VPS35L: variants seen among roughly 807,000 people sequenced by gnomAD.
VPS35L encodes VPS35 endosomal protein-sorting factor-like.
A neutral mutation model predicts 133.0 loss-of-function variants in VPS35L; 83 were observed. The ratio of observed to expected loss-of-function variants is 0.62; its 90% CI spans 0.52 to 0.75. VPS35L has a LOEUF of 0.75. VPS35L is among the 30% of genes least tolerant of loss of function. The pLI is 0.00. For synonymous variants in VPS35L, 423 were observed against 449.9 expected, an observed-to-expected ratio of 0.94 and a Z score of 0.76; for missense variants, 1,083 against 1,206.8, an observed-to-expected ratio of 0.90 and a Z score of 1.52.
intron 26 of VPS35L, among the ~76,000 whole-genome samples, chr16:19,666,940 C>T: frequency 8.6e-6 from 1 of 116,544 alleles, no homozygotes. Context: ...TTCTTCCTTT[C>T]TTCCTTTCTT....
intron 29 of VPS35L, among the ~76,000 whole-genome samples, chr16:19,698,041 C>T (rs370624119): frequency 6.6e-6 from 1 of 152,200 alleles, no homozygotes; most frequent in East Asian, 1.9e-4. Flanking sequence ...CATTTTTGAT[C>T]TCACTGTTTG....
chr16:19,695,678 G>C (rs1975881419), intron 29 of VPS35L, among the ~76,000 whole-genome samples: 1 of 152,014 alleles, frequency 6.6e-6, no homozygotes, highest in African/African-American at 2.4e-5. Context: ...GCCAGGCATG[G>C]TGGTGTGCAC....
At chr16:19,587,382 C>T (rs1231047099) in intron 7 of VPS35L, 1 of 449,702 alleles carries the variant, frequency 2.2e-6, no homozygotes, top group Non-Finnish European at 4.5e-6. Flanking sequence ...GTAATCCCAG[C>T]ACTTTGGGAG....
chr16:19,671,646 A>G lies in VPS35L; in HGVS notation c.2361+2347A>G, dbSNP rs946146635. On this transcript the variant is annotated intron_variant, in intron 27 of 30. Coordinates refer to ENST00000417362, the MANE Select transcript of VPS35L (RefSeq NM_020314.7). The stretch of plus-strand genomic sequence containing the variant: ...ACAAAAATTAGCCAGGAGTGGTGGC[A>G]GGCACCTGTAATCTCAGCTACCAGG... Among the ~76,000 whole-genome samples the G allele has an allele frequency of 1.3e-4, 20 of 149,530 alleles. No homozygotes were observed. The South Asian group carries it at 1.5e-3, about 11-fold the overall frequency.
At chr16:19,637,721 G>T in intron 20 of VPS35L, 65 bp downstream of exon 20, 1 of 1,200,282 alleles carries the variant, frequency 8.3e-7, no homozygotes. Context: ...CATTGTCTCA[G>T]TAATGTTTTC....
intron 24 of VPS35L, among the ~76,000 whole-genome samples, chr16:19,649,678 C>A (rs115362239): frequency 3.3e-4 from 51 of 152,332 alleles, no homozygotes; most frequent in Non-Finnish European, 6.2e-4. Flanking sequence ...GTTTGGGAAC[C>A]ACAGGTCCAA....
At chr16:19,684,287 T>C (rs931437186) in intron 28 of VPS35L, among the ~76,000 whole-genome samples, 2 of 152,200 alleles carry the variant, frequency 1.3e-5, no homozygotes, top group African/African-American at 4.8e-5. Context: ...GGACCCTCAG[T>C]TCTAATTTTT....
chr16:19,569,169 C>T, intron 2 of VPS35L: 2 of 646,862 alleles, frequency 3.1e-6, no homozygotes, highest in South Asian at 3.0e-5. Flanking sequence ...CTGTAGCCAT[C>T]TCAGTCCAGT....
At chr16:19,596,052 G>A (rs972627917) in intron 8 of VPS35L, among the ~76,000 whole-genome samples, 2 of 151,458 alleles carry the variant, frequency 1.3e-5, no homozygotes, top group Non-Finnish European at 2.9e-5. Flanking sequence ...GCTGAGGCAG[G>A]AGAAAAAAAA....
intron 12 of VPS35L, among the ~76,000 whole-genome samples, chr16:19,612,918 C>A (rs1407398637): frequency 6.6e-6 from 1 of 152,176 alleles, no homozygotes; most frequent in Non-Finnish European, 1.5e-5. Context: ...TAGTAGAGTG[C>A]CCTGCGTCTG....
chr16:19,613,363 A>AG (rs1232336096), intron 12 of VPS35L, among the ~76,000 whole-genome samples: 1 of 117,272 alleles, frequency 8.5e-6, no homozygotes, highest in African/African-American at 1.0e-4. Context: ...TCCAAGTGGC[A>AG]AAACCCAGTT....
intron 12 of VPS35L, among the ~76,000 whole-genome samples, chr16:19,611,363 C>T (rs1370550956): frequency 6.6e-6 from 1 of 152,162 alleles, no homozygotes; most frequent in Non-Finnish European, 1.5e-5. Flanking sequence ...TCAGGACTCC[C>T]CCTAGCAACG....
At chr16:19,606,098 T>TGTCGTATAGCTTGTA in intron 9 of VPS35L, among the ~76,000 whole-genome samples, 1 of 152,348 alleles carries the variant, frequency 6.6e-6, no homozygotes, top group South Asian at 2.1e-4. Context: ...GTATGCAGAT[T>TGTCGTATAGCTTGTA]GTCGTATAGC....
At chr16:19,694,576 A>G (rs1435247785) in intron 29 of VPS35L, 3 of 151,392 alleles carry the variant, frequency 2.0e-5, no homozygotes. Flanking sequence ...TGCAGCTTCA[A>G]CCTCCTGGGC....
At chr16:19,632,648 T>C (rs1973493562) in intron 18 of VPS35L, among the ~76,000 whole-genome samples, 1 of 152,236 alleles carries the variant, frequency 6.6e-6, no homozygotes, top group Non-Finnish European at 1.5e-5. Flanking sequence ...GGCCCTGGGC[T>C]GGATTGGGCT....
chr16:19,634,610 G>T (rs907006932), intron 19 of VPS35L, among the ~76,000 whole-genome samples: 1 of 152,008 alleles, frequency 6.6e-6, no homozygotes, highest in Non-Finnish European at 1.5e-5. Context: ...ATAGATGAGC[G>T]GATTGAGAAA....
At chr16:19,588,187 G>GTATTTATT (rs555770404) in intron 7 of VPS35L, among the ~76,000 whole-genome samples, 6,803 of 149,878 alleles carry the variant, frequency 0.045, 315 homozygotes, top group East Asian at 0.2. Context: ...ATGTATGTAT[G>GTATTTATT]TATTTATTTA....
intron 28 of VPS35L, among the ~76,000 whole-genome samples, chr16:19,691,076 G>GATT (rs886954709): frequency 1.3e-5 from 2 of 152,192 alleles, no homozygotes; most frequent in Non-Finnish European, 2.9e-5. Flanking sequence ...CTGTGATGAT[G>GATT]ATTATTATTA....
chr16:19,569,712 A>C (rs1039294734), intron 3 of VPS35L, 121 bp downstream of exon 3: 56 of 1,097,696 alleles, frequency 5.1e-5, no homozygotes, highest in Non-Finnish European at 6.6e-5. Flanking sequence ...TCTGTCACCC[A>C]GGCTGGAGTG....
Sources: gnomAD v4.1 joint callset for allele counts (sites outside exome capture counted in the v4.1 genomes callset) on GRCh38, gnomAD v4.1.1 for gene constraint, MANE v1.5 for transcripts, NCBI Gene and HGNC (gene_info 2026-07-23, HGNC 2026-07-21) for gene names.